UQCC1: variants seen among roughly 807,000 people sequenced by gnomAD.
UQCC1 encodes ubiquinol-cytochrome c reductase complex assembly factor 1.
In UQCC1, 38 loss-of-function variants were observed where a neutral mutation model predicts 48.0. The ratio of observed to expected loss-of-function variants is 0.79; its 90% CI spans 0.61 to 1.04. The LOEUF (loss-of-function observed/expected upper bound fraction) is 1.04. Among genes scored for constraint, UQCC1 ranks in the 50% least tolerant of loss-of-function variants. The pLI, the probability that UQCC1 is intolerant of heterozygous loss-of-function variation, is 0.00. For missense variants in UQCC1, 368 were observed against 381.8 expected (o/e 0.96, Z 0.30); for synonymous variants, 111 against 129.2 (o/e 0.86, Z 0.95).
chr20:35,392,674 C>T (rs2062027286), intron 2 of UQCC1, among the ~76,000 whole-genome samples: 1 of 152,138 alleles, frequency 6.6e-6, no homozygotes, highest in African/African-American at 2.4e-5. Context: ...ATTCATTCAA[C>T]ATATACTTAG....
intron 5 of UQCC1, among the ~76,000 whole-genome samples, chr20:35,369,268 G>A (rs1265034709): frequency 6.6e-6 from 1 of 152,166 alleles, no homozygotes; most frequent in Admixed American, 6.5e-5. Context: ...TATACACACT[G>A]GTGTCAGAAC....
intron 6 of UQCC1, among the ~76,000 whole-genome samples, chr20:35,364,700 C>T (rs2061646193): frequency 6.6e-6 from 1 of 152,164 alleles, no homozygotes; most frequent in African/African-American, 2.4e-5. Flanking sequence ...GAAATTAAAC[C>T]AACCTCAGCA....
chr20:35,314,147 T>C (rs959813481), intron 8 of UQCC1, among the ~76,000 whole-genome samples: 2 of 151,606 alleles, frequency 1.3e-5, no homozygotes, highest in Middle Eastern at 3.2e-3. Context: ...GCATTTTTAG[T>C]GACACGGGGT....
chr20:35,305,744 C>T (rs1275687525), intron 9 of UQCC1, among the ~76,000 whole-genome samples: 1 of 152,238 alleles, frequency 6.6e-6, no homozygotes, highest in Non-Finnish European at 1.5e-5. Flanking sequence ...CCAGCCTTGC[C>T]TTTCCTGGTT....
rs186706407 is a variant in UQCC1 at position 35,306,628 on chromosome 20, T to A, written c.765+38A>T. The A allele has an allele frequency of 1.3e-4, 199 of 1,530,740 alleles. No homozygotes were observed. The African/African-American group carries it at 2.4e-3, about 19-fold the overall frequency. The allele number at this position is 1,530,740 out of a possible 1,614,324, so 94.8% of individuals were successfully genotyped here. A position where few individuals can be genotyped will look rare whatever the true frequency, so the allele number is the denominator to read the frequency against. Reference sequence around the variant, plus strand: ...GAAAGCCCAAGAGGAGGACCCACTGTTGCCAGGACTTGGGAGGGGAGGGAA... The same window carrying A: ...GAAAGCCCAAGAGGAGGACCCACTGATGCCAGGACTTGGGAGGGGAGGGAA... On this transcript the variant is annotated intron_variant, in intron 9 of 9. Coordinates refer to ENST00000374385, the MANE Select transcript of UQCC1 (RefSeq NM_018244.5).
intron 6 of UQCC1, among the ~76,000 whole-genome samples, chr20:35,363,721 G>T (rs564669539): frequency 6.6e-6 from 1 of 152,118 alleles, no homozygotes; most frequent in Non-Finnish European, 1.5e-5. Flanking sequence ...GTTTGGCGGA[G>T]GAGGCATTAT....
At chr20:35,308,375 G>A (rs1052066582) in intron 8 of UQCC1, among the ~76,000 whole-genome samples, 1 of 152,282 alleles carries the variant, frequency 6.6e-6, no homozygotes, top group Non-Finnish European at 1.5e-5. Context: ...CAGCGTGCCT[G>A]TGTCTGCTGT....
rs1223508742 is a variant in UQCC1, at chr20:35,314,692, T to C, written c.647A>G (p.Asp216Gly). 1.2e-6 allele frequency: 2 copies of C among 1,607,164 alleles called. No homozygotes were observed. Among genetic ancestry groups the C allele is most frequent in the Non-Finnish European group, 1.7e-6 (2 of 1,174,840 alleles). The part of the protein sequence containing the change: ...NHFYAAILGY[D>G]EGILSDDHGL... ...AGCCTTGGCAAACAATCTTACCTCA[T>C]CATATCCCAAGATCGCTGCATAGAA... Residue 216 changes from aspartate to glycine, a missense_variant, in exon 8 of 10, where the codon GAT (aspartate) becomes GGT (glycine). By Grantham distance (94) the Asp-to-Gly change is moderately conservative. Transcript: ENST00000374385.
chr20:35,348,357 C>G (rs2061452744), intron 6 of UQCC1, among the ~76,000 whole-genome samples: 1 of 148,720 alleles, frequency 6.7e-6, no homozygotes, highest in Non-Finnish European at 1.5e-5. Context: ...TCATGCATGA[C>G]CATAGTTCAT....
chr20:35,355,884 CTTT>C (rs35947113), intron 6 of UQCC1, among the ~76,000 whole-genome samples: 7 of 140,266 alleles, frequency 5.0e-5, no homozygotes, highest in Admixed American at 7.1e-5. Flanking sequence ...CACATACTAT[CTTT>C]TTTTTTTTTT....
chr20:35,367,166 CCT>C (rs1374921273), intron 5 of UQCC1, among the ~76,000 whole-genome samples: 33 of 151,642 alleles, frequency 2.2e-4, no homozygotes, highest in Non-Finnish European at 1.6e-4. Flanking sequence ...TAGTTCCAGC[CCT>C]GTTACCAGCT....
chr20:35,304,176 A>G (rs2060902423), intron 9 of UQCC1, 107 bp from the exon 10 acceptor site: 4 of 1,459,798 alleles, frequency 2.7e-6, no homozygotes, highest in Non-Finnish European at 3.7e-6. Flanking sequence ...GGGACGGGGC[A>G]TGAGGGGGGC....
chr20:35,394,223 A>G (rs2062047501), intron 1 of UQCC1, 27 bp from the exon 2 acceptor site: 1 of 1,586,062 alleles, frequency 6.3e-7, no homozygotes, highest in Middle Eastern at 1.7e-4. Flanking sequence ...ATAATCTGTC[A>G]GGAATCTAAA....
intron 8 of UQCC1, among the ~76,000 whole-genome samples, chr20:35,310,666 A>AAAAAAAAAAAT (rs1200004845): frequency 1.3e-5 from 2 of 148,356 alleles, no homozygotes; most frequent in Non-Finnish European, 3.0e-5. Flanking sequence ...AAAAAAAAAA[A>AAAAAAAAAAAT]AATTGGGAAG....
intron 6 of UQCC1, among the ~76,000 whole-genome samples, chr20:35,354,557 G>C (rs1456447126): frequency 6.6e-6 from 1 of 151,906 alleles, no homozygotes; most frequent in Admixed American, 6.6e-5. Flanking sequence ...CCACCACACC[G>C]GGCTAATTTT....
chr20:35,409,472 GAAAA>G, intron 1 of UQCC1: 10 of 125,788 alleles, frequency 7.9e-5, no homozygotes, highest in South Asian at 4.8e-4. Flanking sequence ...CTCCGTCTCA[GAAAA>G]AAAAAAAAAA....
At chr20:35,331,590 A>G (rs888647730) in intron 7 of UQCC1, among the ~76,000 whole-genome samples, 2 of 152,154 alleles carry the variant, frequency 1.3e-5, no homozygotes. Context: ...ATTGTCCTCA[A>G]AGGCTCCAAA....
intron 5 of UQCC1, among the ~76,000 whole-genome samples, chr20:35,373,416 C>G (rs1165590626): frequency 6.6e-6 from 1 of 152,132 alleles, no homozygotes; most frequent in Non-Finnish European, 1.5e-5. Context: ...CAGTGGCTCA[C>G]GCCTGTAATC....
intron 5 of UQCC1, among the ~76,000 whole-genome samples, chr20:35,366,891 C>G (rs1353988641): frequency 6.6e-6 from 1 of 151,908 alleles, no homozygotes; most frequent in Admixed American, 6.6e-5. Context: ...GTCAGGAGAT[C>G]AAGACCAGCC....
Sources: allele counts gnomAD v4.1 joint callset (sites outside exome capture counted in the v4.1 genomes callset), GRCh38; gene constraint gnomAD v4.1.1; transcripts MANE v1.5; gene names NCBI Gene and HGNC (gene_info 2026-07-23, HGNC 2026-07-21).